The following CEP112 variants were observed in gnomAD, a reference collection of about 807,000 sequenced individuals.
CEP112 encodes centrosomal protein 112.
CEP112 carries 127 observed loss-of-function variants against 153.0 expected under a neutral mutation model. The observed-to-expected ratio is 0.83, with a 90% confidence interval of 0.72 to 0.96. The LOEUF is 0.96. Among genes scored for constraint, CEP112 ranks in the 40% least tolerant of loss-of-function variants. The probability of loss-of-function intolerance (pLI) is 0.00; values close to 1 mark genes in which losing one functional copy is unlikely to be tolerated. For synonymous variants in CEP112, 358 were observed against 374.4 expected (o/e 0.96, Z 0.51); for missense variants, 1,089 against 1,101.2 (o/e 0.99, Z 0.16).
intron 21 of CEP112, among the ~76,000 whole-genome samples, chr17:65,837,798 G>C (rs1459753812): frequency 6.6e-6 from 1 of 152,256 alleles, no homozygotes; most frequent in South Asian, 2.1e-4. Flanking sequence ...CCCCAACCCC[G>C]TGCTCTCTGA....
intron 21 of CEP112, among the ~76,000 whole-genome samples, chr17:65,783,003 G>T (rs574831790): frequency 1.3e-5 from 2 of 150,654 alleles, no homozygotes; most frequent in Non-Finnish European, 3.0e-5. Flanking sequence ...AATTGAAAAA[G>T]AAATATAAGA....
intron 20 of CEP112, among the ~76,000 whole-genome samples, chr17:65,857,869 G>A (rs2058177575): frequency 6.6e-6 from 1 of 152,060 alleles, no homozygotes; most frequent in African/African-American, 2.4e-5. Context: ...GGGCCATCTG[G>A]GCTTGATATT....
intron 21 of CEP112, among the ~76,000 whole-genome samples, chr17:65,816,398 A>G (rs974487041): frequency 5.9e-5 from 9 of 151,940 alleles, no homozygotes; most frequent in Admixed American, 2.0e-4. Context: ...CCTGAGCAGT[A>G]TACACTGCAC....
intron 23 of CEP112, among the ~76,000 whole-genome samples, chr17:65,698,150 C>G (rs1473330045): frequency 6.6e-6 from 1 of 151,894 alleles, no homozygotes; most frequent in East Asian, 1.9e-4. Flanking sequence ...AGGTTTTTAC[C>G]CAATACATAT....
At chr17:65,956,939 T>C (rs977116887) in intron 18 of CEP112, among the ~76,000 whole-genome samples, 2 of 152,144 alleles carry the variant, frequency 1.3e-5, no homozygotes, top group African/African-American at 4.8e-5. Flanking sequence ...CACTATGGTT[T>C]TTGCTATATA....
chr17:65,793,233 A>G (rs1310296677), intron 21 of CEP112, among the ~76,000 whole-genome samples: 4 of 152,202 alleles, frequency 2.6e-5, no homozygotes, highest in Non-Finnish European at 5.9e-5. Flanking sequence ...CCATTCATTT[A>G]TTCAGAAAAC....
At chr17:66,100,208 G>A (rs990746528) in intron 6 of CEP112, among the ~76,000 whole-genome samples, 8 of 151,870 alleles carry the variant, frequency 5.3e-5, no homozygotes, top group African/African-American at 1.5e-4. Context: ...GACCATCCTG[G>A]CTAACACAGT....
At chr17:65,696,060 G>A (rs232136) in intron 23 of CEP112, among the ~76,000 whole-genome samples, 68,319 of 151,992 alleles carry the variant, frequency 0.45, 15,766 homozygotes, top group Admixed American at 0.53. Flanking sequence ...TGAGTCAGTG[G>A]TCCTGGAAAC....
chr17:65,732,245 G>GT (rs1387248570), intron 23 of CEP112, among the ~76,000 whole-genome samples: 6 of 152,204 alleles, frequency 3.9e-5, no homozygotes, highest in African/African-American at 1.4e-4. Flanking sequence ...GAGCTCTTGG[G>GT]TGACCAGGTG....
chr17:65,751,963 T>TATCC (rs2051885533), intron 21 of CEP112, among the ~76,000 whole-genome samples: 1 of 117,112 alleles, frequency 8.5e-6, no homozygotes, highest in South Asian at 2.6e-4. Flanking sequence ...TCTATCTATC[T>TATCC]ATCTATCTAT....
chr17:65,741,362 T>C (rs1342915456), intron 23 of CEP112, among the ~76,000 whole-genome samples: 1 of 152,104 alleles, frequency 6.6e-6, no homozygotes, highest in Non-Finnish European at 1.5e-5. Flanking sequence ...AGAAATGTCA[T>C]TTACTTTATG....
At chr17:65,659,917 T>G (rs975029797) in intron 24 of CEP112, among the ~76,000 whole-genome samples, 1 of 152,208 alleles carries the variant, frequency 6.6e-6, no homozygotes, top group South Asian at 2.1e-4. Flanking sequence ...GTAGGAACTT[T>G]CAAGATGGAT....
intron 21 of CEP112, among the ~76,000 whole-genome samples, chr17:65,759,118 C>A (rs1233107159): frequency 6.6e-6 from 1 of 152,148 alleles, no homozygotes; most frequent in Non-Finnish European, 1.5e-5. Flanking sequence ...GCTACACTCC[C>A]ACTGGCACCC....
intron 23 of CEP112, among the ~76,000 whole-genome samples, chr17:65,740,137 G>A (rs1394064310): frequency 6.6e-6 from 1 of 152,030 alleles, no homozygotes; most frequent in Admixed American, 6.6e-5. Context: ...CATTTTCACT[G>A]AAAAATATCA....
intron 18 of CEP112, among the ~76,000 whole-genome samples, chr17:65,955,111 C>T (rs2061959381): frequency 2.0e-5 from 3 of 152,076 alleles, no homozygotes; most frequent in Admixed American, 2.0e-4. Flanking sequence ...GGGCTGTGAG[C>T]CAAAAGTATC....
chr17:65,636,062 T>C (rs1014874679), intron 26 of CEP112, 88 bp from the exon 27 acceptor site: 13 of 1,333,476 alleles, frequency 9.7e-6, no homozygotes, highest in South Asian at 8.8e-5. Flanking sequence ...GAGAAGTTGA[T>C]AGGGGTTGAA....
chr17:65,808,387 A>T (rs1274320401), intron 21 of CEP112, among the ~76,000 whole-genome samples: 1 of 152,148 alleles, frequency 6.6e-6, no homozygotes, highest in Non-Finnish European at 1.5e-5. Context: ...GGAATGAGTT[A>T]AGACTTTGGG....
intron 16 of CEP112, among the ~76,000 whole-genome samples, chr17:66,019,802 G>GTT (rs1282307669): frequency 6.6e-6 from 1 of 152,138 alleles, no homozygotes; most frequent in African/African-American, 2.4e-5. Context: ...AATAGAATAG[G>GTT]AATGGTCAGC....
At chr17:65,958,742 C>T (rs1023567103) in intron 18 of CEP112, among the ~76,000 whole-genome samples, 2 of 152,134 alleles carry the variant, frequency 1.3e-5, no homozygotes, top group Admixed American at 1.3e-4. Context: ...CAGACTCCTG[C>T]TCATAAGGGG....
Sources: gnomAD v4.1 joint callset for allele counts (sites outside exome capture counted in the v4.1 genomes callset) on GRCh38, gnomAD v4.1.1 for gene constraint, MANE v1.5 for transcripts, NCBI Gene and HGNC (gene_info 2026-07-23, HGNC 2026-07-21) for gene names.